The following COL4A2 variants were observed in gnomAD, a reference collection of about 807,000 sequenced individuals.
COL4A2 encodes the protein collagen alpha-2(IV) chain.
COL4A2 carries 99 observed loss-of-function variants against 200.2 expected under a neutral mutation model. The ratio of observed to expected loss-of-function variants is 0.49; its 90% CI spans 0.42 to 0.58. The LOEUF (loss-of-function observed/expected upper bound fraction) is 0.58. Among genes scored for constraint, COL4A2 ranks in the 20% least tolerant of loss-of-function variants. The probability of loss-of-function intolerance (pLI) is 0.00; values close to 1 mark genes in which losing one functional copy is unlikely to be tolerated. For missense variants in COL4A2, 1,950 were observed against 2,314.1 expected (o/e 0.84, Z 3.23); for synonymous variants, 897 against 900.6 (o/e 1.00, Z 0.07).
intron 14 of COL4A2, 75 bp downstream of exon 14, chr13:110,438,112 G>A: frequency 1.6e-6 from 2 of 1,263,962 alleles, no homozygotes; most frequent in African/African-American, 1.5e-5. Flanking sequence ...ATGACGGGGT[G>A]CACCATGCGC....
rs185236753 is a variant in COL4A2 at position 110,505,310 on chromosome 13, A to G, written c.4402+1046A>G. On this transcript the variant is annotated intron_variant, in intron 45 of 47. Transcript: ENST00000360467. ...GGTTGCAATGAGCCAAGATCGCGCC[A>G]CTGCACTCCAGCCTGGGGGACAGAG... Among the ~76,000 whole-genome samples the G allele has an allele frequency of 4.6e-3, 700 of 152,274 alleles. 4 individuals are homozygous for G. The highest frequency in any genetic ancestry group is 0.016 in the African/African-American group (672 of 41,548).
chr13:110,439,634 C>G (rs1881045774), intron 15 of COL4A2, among the ~76,000 whole-genome samples, 155 bp from the exon 16 acceptor site: 1 of 152,230 alleles, frequency 6.6e-6, no homozygotes, highest in Non-Finnish European at 1.5e-5. Context: ...TTGAATTTGG[C>G]AATTTGTTGC....
intron 29 of COL4A2, among the ~76,000 whole-genome samples, chr13:110,476,248 G>A (rs1344634996): frequency 1.3e-5 from 2 of 152,128 alleles, no homozygotes; most frequent in East Asian, 1.9e-4. Flanking sequence ...AGCCTGCAGT[G>A]CTGCCTGCCA....
At chr13:110,406,495 T>C (rs7983604) in intron 4 of COL4A2, among the ~76,000 whole-genome samples, 2,256 of 152,338 alleles carry the variant, frequency 0.015, 57 homozygotes, top group African/African-American at 0.049. Context: ...CTTGCATGAC[T>C]GGCTCCAATA....
chr13:110,337,240 C>T (rs372784096), intron 3 of COL4A2, among the ~76,000 whole-genome samples: 1 of 152,192 alleles, frequency 6.6e-6, no homozygotes, highest in African/African-American at 2.4e-5. Flanking sequence ...TAGAAGCACC[C>T]GGCATGATGC....
chr13:110,487,226 C>T (rs1883145817), intron 34 of COL4A2, among the ~76,000 whole-genome samples: 1 of 152,204 alleles, frequency 6.6e-6, no homozygotes, highest in Non-Finnish European at 1.5e-5. Flanking sequence ...CCAAGGCAGG[C>T]AGATCACTTG....
intron 34 of COL4A2, 26 bp downstream of exon 34, chr13:110,485,862 T>C (rs1419164109): frequency 1.2e-6 from 2 of 1,610,700 alleles, no homozygotes; most frequent in Non-Finnish European, 1.7e-6. Flanking sequence ...TTACTCCCCT[T>C]GTTCTGTGAG....
intron 3 of COL4A2, among the ~76,000 whole-genome samples, chr13:110,346,480 C>T (rs115546883): frequency 0.027 from 4,118 of 152,302 alleles, 174 homozygotes; most frequent in African/African-American, 0.091. Context: ...GGCCCCAGAA[C>T]TCTAGTGACC....
intron 31 of COL4A2, among the ~76,000 whole-genome samples, chr13:110,481,592 G>A (rs796617152): frequency 2.5e-3 from 93 of 36,758 alleles, no homozygotes; most frequent in South Asian, 4.9e-3. Context: ...CTGTCCCTCC[G>A]TTGCTGGAGA....
At chr13:110,511,843 A>G in intron 47 of COL4A2, 91 bp from the exon 48 acceptor site, 1 of 1,584,874 alleles carries the variant, frequency 6.3e-7, no homozygotes, top group Non-Finnish European at 8.6e-7. Context: ...CTGTTCAGTA[A>G]AAACAAATGC....
intron 19 of COL4A2, 139 bp downstream of exon 19, chr13:110,449,928 G>A (rs938304802): frequency 1.1e-6 from 1 of 951,884 alleles, no homozygotes; most frequent in Non-Finnish European, 1.6e-6. Context: ...GCAGCTCTAA[G>A]GAGCCCCGCA....
At chr13:110,499,276 T>C (rs902297975) in intron 40 of COL4A2, among the ~76,000 whole-genome samples, 5 of 152,246 alleles carry the variant, frequency 3.3e-5, no homozygotes, top group African/African-American at 9.6e-5. Flanking sequence ...TGATTCACAG[T>C]TCTGCATGGC....
chr13:110,416,957 C>G (rs1385639528), intron 4 of COL4A2, among the ~76,000 whole-genome samples: 4 of 151,824 alleles, frequency 2.6e-5, no homozygotes, highest in African/African-American at 9.7e-5. Context: ...GTCTTGGTTT[C>G]TTCAGATTAT....
intron 29 of COL4A2, chr13:110,473,396 T>C: frequency 2.1e-6 from 1 of 475,738 alleles, no homozygotes; most frequent in Non-Finnish European, 3.7e-6. Context: ...TTCACTGATG[T>C]AATCTGTTGT....
chr13:110,350,798 G>C (rs1269910018), intron 3 of COL4A2, among the ~76,000 whole-genome samples: 1 of 152,192 alleles, frequency 6.6e-6, no homozygotes. Context: ...GGGTGATGCT[G>C]ATGGGCCCTG....
chr13:110,340,838 G>C (rs1198988193), intron 3 of COL4A2: 2 of 152,148 alleles, frequency 1.3e-5, no homozygotes, highest in Non-Finnish European at 2.9e-5. Flanking sequence ...GGGTACTCTC[G>C]GGGCGTTTTC....
intron 4 of COL4A2, among the ~76,000 whole-genome samples, chr13:110,363,967 C>G (rs759898781): frequency 1.2e-4 from 19 of 152,166 alleles, no homozygotes; most frequent in Non-Finnish European, 2.2e-4. Context: ...TCCCAAAGTG[C>G]TGAGATTATA....
At chr13:110,424,620 A>G (rs913642254) in intron 4 of COL4A2, 114 bp from the exon 5 acceptor site, 18 of 623,290 alleles carry the variant, frequency 2.9e-5, no homozygotes, top group Non-Finnish European at 4.4e-5. Context: ...TGTTCCCTGT[A>G]GATTATAGCT....
chr13:110,319,253 T>A (rs1885221505), intron 3 of COL4A2, among the ~76,000 whole-genome samples: 1 of 152,122 alleles, frequency 6.6e-6, no homozygotes, highest in Non-Finnish European at 1.5e-5. Flanking sequence ...GTTATTTCCA[T>A]TTTCCTTAAG....
Sources: allele counts gnomAD v4.1 joint callset (sites outside exome capture counted in the v4.1 genomes callset), GRCh38; gene constraint gnomAD v4.1.1; transcripts MANE v1.5; gene names NCBI Gene and HGNC (gene_info 2026-07-23, HGNC 2026-07-21).